RPS6KA2: variants seen among roughly 807,000 people sequenced by gnomAD.
RPS6KA2 encodes ribosomal protein S6 kinase alpha-2.
Under a neutral mutation model 91.8 loss-of-function variants are expected in RPS6KA2, and 42 were observed. That is an observed-to-expected ratio of 0.46 (90% CI 0.36 to 0.59). RPS6KA2 has a LOEUF of 0.59. Among genes scored for constraint, RPS6KA2 ranks in the 20% least tolerant of loss-of-function variants. The probability of loss-of-function intolerance (pLI) is 0.00; values close to 1 mark genes in which losing one functional copy is unlikely to be tolerated. For missense variants in RPS6KA2, 798 were observed against 978.5 expected, an observed-to-expected ratio of 0.82 and a Z score of 2.46; for synonymous variants, 414 against 393.6, an observed-to-expected ratio of 1.05 and a Z score of -0.61.
chr6:166,860,632 G>A (rs539398927), intron 1 of RPS6KA2, among the ~76,000 whole-genome samples: 85 of 152,266 alleles, frequency 5.6e-4, no homozygotes, highest in Non-Finnish European at 9.4e-4. Flanking sequence ...AGCCCAGGGC[G>A]GAATCCTCCC....
intron 16 of RPS6KA2, among the ~76,000 whole-genome samples, chr6:166,427,856 G>A (rs1419317224): frequency 1.5e-4 from 23 of 152,264 alleles, no homozygotes; most frequent in Admixed American, 9.8e-4. Flanking sequence ...AATCAATATC[G>A]TGAAAATGGC....
chr6:166,625,985 T>C (rs865898925), intron 1 of RPS6KA2, among the ~76,000 whole-genome samples: 3 of 152,186 alleles, frequency 2.0e-5, no homozygotes, highest in Non-Finnish European at 4.4e-5. Context: ...GATGAAACAT[T>C]TGAGATTGTT....
chr6:166,782,346 T>C (rs73788141), intron 2 of RPS6KA2, among the ~76,000 whole-genome samples: 3,060 of 152,146 alleles, frequency 0.02, 82 homozygotes, highest in African/African-American at 0.068. Flanking sequence ...TGTCCCTGAG[T>C]TGGGTGATGC....
Position 166,825,166 on chromosome 6 carries a change from G to A in RPS6KA2, c.123+33034C>T, listed in dbSNP as rs554948485. The stretch of plus-strand genomic sequence containing the variant: ...ATCCATTTCAAAGCCAGAGCAGAGC[G>A]GGCTCCCCACAAATGGGGGCTCTGA... On this transcript the variant is annotated intron_variant, in intron 2 of 21. Coordinates refer to the RPS6KA2 transcript ENST00000503859. This position sits in a 1 kb window ranked among gnomAD's most constrained non-coding sequence, Gnocchi z 4.1. Among the ~76,000 whole-genome samples the A allele has an allele frequency of 4.3e-4, 66 of 152,316 alleles. No individual in the cohort carries two copies. The South Asian group carries it at 0.014, about 32-fold the overall frequency.
chr6:166,613,860 G>A (rs866876519), intron 1 of RPS6KA2, among the ~76,000 whole-genome samples: 4 of 151,236 alleles, frequency 2.6e-5, no homozygotes, highest in Non-Finnish European at 5.9e-5. Context: ...GGACACAGTC[G>A]GGCTTTCCAC....
intron 3 of RPS6KA2, among the ~76,000 whole-genome samples, chr6:166,519,569 A>G (rs555316206): frequency 6.6e-6 from 1 of 152,168 alleles, no homozygotes; most frequent in South Asian, 2.1e-4. Flanking sequence ...TGTGCTCTTC[A>G]CCTGTCATGG....
intron 11 of RPS6KA2, among the ~76,000 whole-genome samples, chr6:166,464,128 C>A (rs1229395181): frequency 3.3e-5 from 5 of 152,236 alleles, no homozygotes; most frequent in African/African-American, 1.2e-4. Context: ...TCCCACACCC[C>A]CAAACCACTC....
intron 1 of RPS6KA2, among the ~76,000 whole-genome samples, chr6:166,605,502 C>T (rs1032079508): frequency 6.6e-6 from 1 of 152,164 alleles, no homozygotes; most frequent in African/African-American, 2.4e-5. Flanking sequence ...AATAGACATT[C>T]CTATTTAAGT....
chr6:166,447,324 T>A (rs1779712429), intron 14 of RPS6KA2, among the ~76,000 whole-genome samples: 1 of 152,192 alleles, frequency 6.6e-6, no homozygotes, highest in South Asian at 2.1e-4. Flanking sequence ...CCTGGATGTG[T>A]TCAAGACTCT....
intron 1 of RPS6KA2, among the ~76,000 whole-genome samples, chr6:166,595,091 A>G (rs1234817635): frequency 6.6e-6 from 1 of 151,552 alleles, no homozygotes; most frequent in Non-Finnish European, 1.5e-5. Flanking sequence ...TCATTCTGTC[A>G]TCCAGGCTGG....
At chr6:166,616,675 A>C (rs1786426920) in intron 1 of RPS6KA2, among the ~76,000 whole-genome samples, 1 of 152,230 alleles carries the variant, frequency 6.6e-6, no homozygotes, top group South Asian at 2.1e-4. Flanking sequence ...CTGCCAGGCC[A>C]GAGCCCAGGC....
At chr6:166,522,954 T>C (rs1583237122) in intron 3 of RPS6KA2, among the ~76,000 whole-genome samples, 1 of 152,258 alleles carries the variant, frequency 6.6e-6, no homozygotes, top group East Asian at 1.9e-4. Flanking sequence ...AAGACTGATA[T>C]GGTTACTTAA....
intron 12 of RPS6KA2, among the ~76,000 whole-genome samples, chr6:166,453,422 A>C (rs1355166332): frequency 6.6e-6 from 1 of 152,216 alleles, no homozygotes; most frequent in African/African-American, 2.4e-5. Flanking sequence ...ACATAAGTAG[A>C]CATTTTTCAA....
At position 166,472,321 on chromosome 6, in the gene RPS6KA2, G is replaced by A. The variant is rs572015440; in HGVS notation, c.908-2416C>T. ...CATCATTTGCAAATATGGTCTGCAG[G>A]AATTTTAGAAAGTGAGAGGCAGAGG... On this transcript the variant is annotated intron_variant, in intron 10 of 20. Transcript: ENST00000265678. Among the ~76,000 whole-genome samples, 9 of 152,282 alleles carry A rather than the reference G, an allele frequency of 5.9e-5. No individual in the cohort carries two copies. In the East Asian group the frequency reaches 1.7e-3, roughly 29 times the overall value.
At chr6:166,546,348 A>C (rs1417498590) in intron 1 of RPS6KA2, among the ~76,000 whole-genome samples, 1 of 152,190 alleles carries the variant, frequency 6.6e-6, no homozygotes, top group South Asian at 2.1e-4. Flanking sequence ...AAGGGGCTGA[A>C]TACATCTGTA....
intron 2 of RPS6KA2, among the ~76,000 whole-genome samples, chr6:166,815,637 A>C (rs574848853): frequency 8.5e-5 from 13 of 152,246 alleles, no homozygotes; most frequent in Non-Finnish European, 1.8e-4. Flanking sequence ...TCTCCCCAGT[A>C]TGCAGGGCCA....
At position 166,615,810 on chromosome 6, in the gene RPS6KA2, C is replaced by T. The variant is rs192404008; in HGVS notation, c.99+11111G>A. The stretch of plus-strand genomic sequence containing the variant: ...GATGGGCGCTCTGTCCCCTGTGCTG[C>T]CTGTGGGGTCTAGACACCATTGAGG... On this transcript the variant is annotated intron_variant, in intron 1 of 20. Transcript: ENST00000265678. 1.9e-3 allele frequency among the ~76,000 whole-genome samples: 287 copies of T among 152,264 alleles called. 1 individual carries two copies. The highest frequency in any genetic ancestry group is 6.4e-3 in the African/African-American group (265 of 41,530).
chr6:166,610,977 T>A (rs1010537519), intron 1 of RPS6KA2, among the ~76,000 whole-genome samples: 9 of 151,980 alleles, frequency 5.9e-5, no homozygotes, highest in African/African-American at 2.2e-4. Flanking sequence ...GAATGAGAAG[T>A]ACAAAGAAAA....
At chr6:166,556,608 C>G (rs547424440) in intron 1 of RPS6KA2, among the ~76,000 whole-genome samples, 2 of 152,274 alleles carry the variant, frequency 1.3e-5, no homozygotes, top group Admixed American at 6.5e-5. Flanking sequence ...GGAATAGACT[C>G]AAGAGTACAG....
Sources: gnomAD v4.1 joint callset for allele counts (sites outside exome capture counted in the v4.1 genomes callset) on GRCh38, gnomAD v4.1.1 for gene constraint, Gnocchi (gnomAD v3.1) non-coding constraint, MANE v1.5 for transcripts, NCBI Gene and HGNC (gene_info 2026-07-23, HGNC 2026-07-21) for gene names.